Variants in NTRK3 observed in about 807,000 individuals in gnomAD.
The protein encoded by NTRK3 is NT-3 growth factor receptor.
Under a neutral mutation model 91.7 loss-of-function variants are expected in NTRK3, and 24 were observed. The ratio of observed to expected loss-of-function variants is 0.26; its 90% confidence interval spans 0.19 to 0.37. The LOEUF is 0.37. Among genes scored for constraint, NTRK3 ranks in the 10% least tolerant of loss-of-function variants. NTRK3 has a pLI of 1.00. For missense variants in NTRK3, 880 were observed against 1,068.9 expected, an observed-to-expected ratio of 0.82 and a Z score of 2.46; for synonymous variants, 483 against 404.0, an observed-to-expected ratio of 1.20 and a Z score of -2.34.
At chr15:88,113,063 T>C (rs2051602378) in intron 13 of NTRK3, among the ~76,000 whole-genome samples, 1 of 152,118 alleles carries the variant, frequency 6.6e-6, no homozygotes, top group African/African-American at 2.4e-5. Flanking sequence ...GCATTACCGC[T>C]TTCTTCCCCA....
chr15:88,137,552 C>T, exon 7 of NTRK3: 2 of 1,613,960 alleles, frequency 1.2e-6, no homozygotes, highest in Non-Finnish European at 1.7e-6. Context: ...AAAAGTTCTG[C>T]TCCAACTGCC....
intron 14 of NTRK3, among the ~76,000 whole-genome samples, chr15:87,979,856 G>C (rs567677654): frequency 1.3e-5 from 2 of 152,168 alleles, no homozygotes; most frequent in Non-Finnish European, 2.9e-5. Flanking sequence ...GGGTCACTTA[G>C]GGGCTAAGGG....
chr15:87,900,299 C>G (rs950243105), intron 17 of NTRK3, among the ~76,000 whole-genome samples: 2 of 152,158 alleles, frequency 1.3e-5, no homozygotes, highest in Non-Finnish European at 2.9e-5. Flanking sequence ...AAAGGGGCAT[C>G]TATTAACCCA....
intron 14 of NTRK3, among the ~76,000 whole-genome samples, chr15:87,953,641 A>G (rs544942003): frequency 1.4e-4 from 21 of 152,258 alleles, no homozygotes; most frequent in African/African-American, 4.8e-4. Flanking sequence ...CCCCAGAAGA[A>G]CCAAGGTGAG....
chr15:88,008,724 A>C (rs556866105), intron 14 of NTRK3, among the ~76,000 whole-genome samples: 1 of 152,274 alleles, frequency 6.6e-6, no homozygotes, highest in Admixed American at 6.5e-5. Context: ...GCGATTCTTC[A>C]TATTAAACAG....
In NTRK3 at chr15:88,128,703, A is replaced by C. The variant is rs2151131210; in HGVS notation, c.1228+8T>G. Reference sequence around the variant, plus strand: ...TCAGTTTCAAAGCAACAGGTAAAGCAGACTTACACAAGATAAAGTTATCCG... The same window carrying C: ...TCAGTTTCAAAGCAACAGGTAAAGCCGACTTACACAAGATAAAGTTATCCG... On this transcript the variant is annotated splice_region_variant and intron_variant, in intron 11 of 18. Coordinates refer to ENST00000394480, the Ensembl canonical transcript of NTRK3. 1 of 1,614,014 alleles carries C rather than the reference A, an allele frequency of 6.2e-7. No homozygotes were observed. Among genetic ancestry groups the C allele is most frequent in the Non-Finnish European group, 8.5e-7 (1 of 1,179,846 alleles).
At chr15:88,129,056 T>A (rs193056267) in intron 10 of NTRK3, among the ~76,000 whole-genome samples, 34 of 152,190 alleles carry the variant, frequency 2.2e-4, no homozygotes, top group African/African-American at 7.7e-4. Flanking sequence ...CATTCACAGC[T>A]CTGCTTTCTT....
At chr15:87,930,606 T>C (rs1302942586) in intron 16 of NTRK3, among the ~76,000 whole-genome samples, 1 of 151,944 alleles carries the variant, frequency 6.6e-6, no homozygotes, top group Non-Finnish European at 1.5e-5. Flanking sequence ...ACCACCAATA[T>C]GGAGATGTGA....
At chr15:88,070,879 GA>G (rs1321604014) in intron 13 of NTRK3, among the ~76,000 whole-genome samples, 2 of 152,132 alleles carry the variant, frequency 1.3e-5, no homozygotes, top group Non-Finnish European at 2.9e-5. Flanking sequence ...AAAACCCAAG[GA>G]GAGAGAAAAG....
chr15:88,192,450 G>A (rs769920520), intron 3 of NTRK3, among the ~76,000 whole-genome samples: 10 of 152,048 alleles, frequency 6.6e-5, no homozygotes, highest in African/African-American at 1.7e-4. Flanking sequence ...CAATGCTCCC[G>A]GTAACCACCA....
chr15:88,192,196 T>G (rs2047460585), intron 3 of NTRK3, among the ~76,000 whole-genome samples: 1 of 152,204 alleles, frequency 6.6e-6, no homozygotes, highest in Non-Finnish European at 1.5e-5. Flanking sequence ...GGTGCAAAGA[T>G]GCTGTGTCTC....
chr15:87,973,687 C>A (rs138005633), intron 14 of NTRK3, among the ~76,000 whole-genome samples: 1 of 152,080 alleles, frequency 6.6e-6, no homozygotes, highest in African/African-American at 2.4e-5. Context: ...AGGAGGAGAG[C>A]TCCAGGCCCG....
At chr15:88,213,673 C>T (rs958741626) in intron 3 of NTRK3, among the ~76,000 whole-genome samples, 3 of 152,186 alleles carry the variant, frequency 2.0e-5, no homozygotes, top group Non-Finnish European at 4.4e-5. Flanking sequence ...CTTATTACGG[C>T]CCTCACACAG....
intron 17 of NTRK3, among the ~76,000 whole-genome samples, chr15:87,914,754 A>G (rs143515741): frequency 4.2e-4 from 64 of 152,344 alleles, no homozygotes; most frequent in Non-Finnish European, 7.3e-4. Flanking sequence ...CTACAAGAAC[A>G]AACCGGGCTG....
At chr15:88,128,562 C>G in intron 11 of NTRK3, 149 bp downstream of exon 11, 1 of 844,976 alleles carries the variant, frequency 1.2e-6, no homozygotes, top group Non-Finnish European at 2.0e-6. Context: ...CATTGCTACC[C>G]TTCATTTCCC....
intron 13 of NTRK3, among the ~76,000 whole-genome samples, chr15:88,054,235 A>G (rs1346985859): frequency 1.3e-5 from 2 of 152,370 alleles, no homozygotes; most frequent in East Asian, 3.9e-4. Flanking sequence ...ATTAAATAAT[A>G]ACATTAGTAA....
At chr15:88,199,674 G>A (rs1374448008) in intron 3 of NTRK3, among the ~76,000 whole-genome samples, 1 of 152,244 alleles carries the variant, frequency 6.6e-6, no homozygotes, top group Non-Finnish European at 1.5e-5. Context: ...CTTCTGCGCT[G>A]CACAAAGTGG....
intron 3 of NTRK3, chr15:88,253,571 T>A: frequency 6.6e-6 from 1 of 152,276 alleles, no homozygotes; most frequent in East Asian, 1.9e-4. Context: ...GCCATAGATA[T>A]AACAGGGCAC....
intron 14 of NTRK3, among the ~76,000 whole-genome samples, chr15:87,985,221 C>G (rs1166339679): frequency 6.6e-6 from 1 of 152,180 alleles, no homozygotes; most frequent in Non-Finnish European, 1.5e-5. Flanking sequence ...GGACACCATG[C>G]TGAAGCATAA....
Sources: allele counts gnomAD v4.1 joint callset (sites outside exome capture counted in the v4.1 genomes callset), GRCh38; gene constraint gnomAD v4.1.1; transcripts MANE v1.5; gene names NCBI Gene and HGNC (gene_info 2026-07-23, HGNC 2026-07-21).